The following GPRC5B variants were observed in gnomAD, a reference collection of about 807,000 sequenced individuals.
GPRC5B encodes G protein-coupled receptor family C group 5 member B.
A neutral mutation model predicts 30.1 loss-of-function variants in GPRC5B; 16 were observed. The observed-to-expected ratio is 0.53, with a 90% CI of 0.36 to 0.81. The LOEUF (loss-of-function observed/expected upper bound fraction) is 0.81. Ranked by LOEUF, GPRC5B falls within the 30% of genes least tolerant of loss-of-function variation. The pLI is 0.01. For missense variants in GPRC5B, 428 were observed against 544.7 expected, an observed-to-expected ratio of 0.79 and a Z score of 2.13; for synonymous variants, 241 against 239.5, an observed-to-expected ratio of 1.01 and a Z score of -0.06.
chr16:19,860,023 A>G lies in GPRC5B; in HGVS notation c.*477T>C, dbSNP rs1277161675. On this transcript the variant is annotated 3_prime_UTR_variant, in exon 4 of 4. Coordinates refer to ENST00000300571, the MANE Select transcript of GPRC5B (RefSeq NM_016235.3). ...GCAAACCACCAGGCAAGCCGGTGGC[A>G]AAGTCCCCATTTGTCCTCAACGCAA... 1 of 155,744 alleles carries G rather than the reference A, an allele frequency of 6.4e-6. No individual in the cohort carries two copies. The highest frequency in any genetic ancestry group is 1.4e-5 in the Non-Finnish European group (1 of 70,488). The allele number at this position is 155,744 out of a possible 1,614,324, so 9.6% of individuals were successfully genotyped here.
At position 19,877,861 on chromosome 16, in the gene GPRC5B, A is replaced by G. The variant is rs2056770796; in HGVS notation, c.-1-5015T>C. ...AGCTTTTACTACACACTAGAGTCCCAGAAGTGCCACTTGCTGAGCCTTTGA... is the reference window on the plus strand; with the variant it reads ...AGCTTTTACTACACACTAGAGTCCCGGAAGTGCCACTTGCTGAGCCTTTGA... On this transcript the variant is annotated intron_variant, in intron 1 of 3. Transcript: ENST00000300571. Among the ~76,000 whole-genome samples the G allele has an allele frequency of 5.3e-5, 8 of 152,306 alleles. No individual in the cohort carries two copies. In the South Asian group the frequency reaches 1.5e-3, roughly 28 times the overall value.
intron 2 of GPRC5B, 107 bp from the exon 3 acceptor site, chr16:19,862,080 C>G (rs527878716): frequency 3.7e-5 from 33 of 890,928 alleles, no homozygotes; most frequent in Admixed American, 3.1e-4. Flanking sequence ...TCCACCCAAC[C>G]CAGTGGCTCC....
chr16:19,871,982 G>T lies in GPRC5B; in HGVS notation c.864C>A (p.Ala288=). 6.2e-7 allele frequency: 1 copy of T among 1,614,120 alleles called. No homozygotes were observed. Among genetic ancestry groups the T allele is most frequent in the South Asian group, 1.1e-5 (1 of 91,082 alleles). Reference sequence around the variant, plus strand: ...GAAGGGTGCAGTGGATCTCAGGGATGGCGTGGAAGATGACGAAGACCCAGC... The same window carrying T: ...GAAGGGTGCAGTGGATCTCAGGGATTGCGTGGAAGATGACGAAGACCCAGC... The part of the protein sequence containing the change: ...ASGWVFVIFH[A]IPEIHCTLLP... Residue 288 remains alanine (A), a synonymous_variant, in exon 2 of 4, where the codon GCC becomes GCA. Transcript: ENST00000300571.
At chr16:19,875,532 C>T (rs2056753871) in intron 1 of GPRC5B, among the ~76,000 whole-genome samples, 1 of 152,184 alleles carries the variant, frequency 6.6e-6, no homozygotes, top group African/African-American at 2.4e-5. Context: ...AATCCCAGCA[C>T]TTTGGGAGGC....
Position 19,884,842 on chromosome 16 carries a change from C to T in GPRC5B, c.-117G>A, listed in dbSNP as rs1428288903. On this transcript the variant is annotated 5_prime_UTR_variant, in exon 1 of 4. It adds an upstream start codon to the 5' untranslated region. Coordinates refer to ENST00000300571, the MANE Select transcript of GPRC5B (RefSeq NM_016235.3). ...ACGCCCGCCTGCGGGTCCAGCTTCA[C>T]TGCAGCGCCTGCCAGAGTCGCTGCC... is the stretch of plus-strand genomic sequence containing the variant. 5.1e-6 allele frequency: 5 copies of T among 983,436 alleles called. No homozygotes were observed. The East Asian group carries it at 4.6e-4, about 90-fold the overall frequency. The allele number at this position is 983,436 out of a possible 1,614,324, so 60.9% of individuals were successfully genotyped here.
chr16:19,861,204 G>A (rs1235264668), intron 3 of GPRC5B, among the ~76,000 whole-genome samples: 2 of 152,002 alleles, frequency 1.3e-5, no homozygotes, highest in South Asian at 2.1e-4. Context: ...TCTGAAAGAA[G>A]CATGTAGCTA....
At chr16:19,884,388 C>G (rs948200552) in intron 1 of GPRC5B, among the ~76,000 whole-genome samples, 1 of 151,678 alleles carries the variant, frequency 6.6e-6, no homozygotes, top group East Asian at 2.0e-4. Flanking sequence ...CACGGCTGGG[C>G]TCCTTTACCC....
In GPRC5B at chr16:19,872,084, G is replaced by T. The variant is rs1323754971; in HGVS notation, c.762C>A (p.Tyr254Ter). The T allele has an allele frequency of 3.1e-6, 5 of 1,614,106 alleles. No individual in the cohort carries two copies. The Admixed American group carries it at 8.3e-5, about 27-fold the overall frequency. Reference protein sequence around the residue: ...VLIWVAWMTMYLFGNVKLQQG... With the variant: ...VLIWVAWMTM Reference sequence around the variant, plus strand: ...GCTGCAGCTTGACATTGCCGAAGAGGTACATGGTCATCCAGGCCACCCAGA... The same window carrying T: ...GCTGCAGCTTGACATTGCCGAAGAGTTACATGGTCATCCAGGCCACCCAGA... Residue 254 changes from tyrosine to a stop codon, truncating the protein, a stop_gained, in exon 2 of 4, where the codon TAC becomes TAA. Transcript: ENST00000300571. LOFTEE classifies it high-confidence loss of function. This position sits in a 1 kb window ranked among gnomAD's most constrained non-coding sequence, Gnocchi z 5.0.
chr16:19,868,070 A>C (rs1292018770), intron 2 of GPRC5B, among the ~76,000 whole-genome samples: 1 of 150,032 alleles, frequency 6.7e-6, no homozygotes, highest in Non-Finnish European at 1.5e-5. Context: ...CCATCTAGAA[A>C]AACAAAACAA....
intron 2 of GPRC5B, among the ~76,000 whole-genome samples, chr16:19,863,373 C>G (rs1253374410): frequency 6.6e-6 from 1 of 151,652 alleles, no homozygotes; most frequent in Non-Finnish European, 1.5e-5. Context: ...GTTGCCCAGG[C>G]TGACTATATG....
At chr16:19,863,585 C>T (rs2056644256) in intron 2 of GPRC5B, among the ~76,000 whole-genome samples, 1 of 151,250 alleles carries the variant, frequency 6.6e-6, no homozygotes, top group Admixed American at 6.6e-5. Flanking sequence ...GCAACCTCCA[C>T]CTGCCAGATT....
intron 2 of GPRC5B, among the ~76,000 whole-genome samples, chr16:19,867,506 G>A (rs946492445): frequency 6.6e-6 from 1 of 152,346 alleles, no homozygotes; most frequent in Non-Finnish European, 1.5e-5. Context: ...TAAAGGCCAT[G>A]ATACTTGGGT....
intron 1 of GPRC5B, among the ~76,000 whole-genome samples, chr16:19,881,812 C>T (rs561799827): frequency 2.0e-5 from 3 of 152,338 alleles, no homozygotes; most frequent in African/African-American, 7.2e-5. Flanking sequence ...TCCCATTTTC[C>T]TGTTGCGAAA....
rs2141145481 is a variant in GPRC5B, at chr16:19,871,931, G to T, written c.915C>A (p.Pro305=). 3 of 1,614,050 alleles carry T rather than the reference G, an allele frequency of 1.9e-6. No individual in the cohort carries two copies. The highest frequency in any genetic ancestry group is 2.5e-6 in the Non-Finnish European group (3 of 1,180,036). Residue 305 remains proline (P), a synonymous_variant, in exon 2 of 4, where the codon CCC becomes CCA. Transcript: ENST00000300571. Reference sequence around the variant, plus strand: ...TGGGCTGCGACGTGTCGAAGTAGTTGGGCGTGTTCTCCTGCAGGGCTGGCA... The same window carrying T: ...TGGGCTGCGACGTGTCGAAGTAGTTTGGCGTGTTCTCCTGCAGGGCTGGCA... ...TLLPALQENT[P]NYFDTSQPRM...
chr16:19,878,880 C>T (rs1452490715), intron 1 of GPRC5B, among the ~76,000 whole-genome samples: 1 of 152,084 alleles, frequency 6.6e-6, no homozygotes, highest in Non-Finnish European at 1.5e-5. Context: ...GCAGCAACAT[C>T]GCCCTGGAGC....
Position 19,861,087 on chromosome 16 carries a change from T to TTAAAAA in GPRC5B, c.1168-544_1168-543insTTTTTA, listed in dbSNP as rs569493402. Among the ~76,000 whole-genome samples, 74 of 93,340 alleles carry TTAAAAA rather than the reference T, an allele frequency of 7.9e-4. 1 individual carries two copies. Among genetic ancestry groups the TTAAAAA allele is most frequent in the East Asian group, 3.3e-3 (8 of 2,408 alleles). The allele number at this position is 93,340 out of a possible 152,430, so 61.2% of individuals were successfully genotyped here. ...GATCAAAGACCATCCCTGATTTACA[T>TTAAAAA]AAAAAAAAAAAAAAAAAGAAGAATG... On this transcript the variant is annotated intron_variant, in intron 3 of 3. Coordinates refer to ENST00000300571, the MANE Select transcript of GPRC5B (RefSeq NM_016235.3).
At chr16:19,873,107 C>A (rs1019407333) in intron 1 of GPRC5B, among the ~76,000 whole-genome samples, 1 of 152,112 alleles carries the variant, frequency 6.6e-6, no homozygotes, top group African/African-American at 2.4e-5. Flanking sequence ...GGGAGGCCAA[C>A]TTCTCTGTAT....
intron 1 of GPRC5B, among the ~76,000 whole-genome samples, chr16:19,877,722 T>C (rs1396718993): frequency 6.6e-6 from 1 of 152,228 alleles, no homozygotes; most frequent in Non-Finnish European, 1.5e-5. Flanking sequence ...TATCTCCATT[T>C]TACAGGAGAC....
At position 19,856,753 on chromosome 16, in the gene GPRC5B, G is replaced by T; in HGVS notation, c.*3747C>A. 1 of 549,376 alleles carries T rather than the reference G, an allele frequency of 1.8e-6. No homozygotes were observed. Among genetic ancestry groups the T allele is most frequent in the East Asian group, 3.0e-5 (1 of 32,934 alleles). 34.0% of individuals were successfully genotyped at this position (549,376 alleles called of 1,614,324 possible). ...AAGAAAGGACCAGTCTTCACTTTCTGCATTATCCCCACATTTTATTCATTC... is the reference window on the plus strand; with the variant it reads ...AAGAAAGGACCAGTCTTCACTTTCTTCATTATCCCCACATTTTATTCATTC... On this transcript the variant is annotated 3_prime_UTR_variant, in exon 4 of 4. Transcript: ENST00000300571.
Sources: gnomAD v4.1 joint callset for allele counts (sites outside exome capture counted in the v4.1 genomes callset) on GRCh38, gnomAD v4.1.1 for gene constraint, Gnocchi (gnomAD v3.1) non-coding constraint, MANE v1.5 for transcripts, NCBI Gene and HGNC (gene_info 2026-07-23, HGNC 2026-07-21) for gene names.